PDE1A: variants seen among roughly 807,000 people sequenced by gnomAD.
PDE1A encodes the protein phosphodiesterase 1A.
A neutral mutation model predicts 61.7 loss-of-function variants in PDE1A; 35 were observed. The ratio of observed to expected loss-of-function variants is 0.57; its 90% CI spans 0.43 to 0.75. The LOEUF (loss-of-function observed/expected upper bound fraction) is 0.75, where lower values mean the gene tolerates loss of function less well. PDE1A is among the 30% of genes least tolerant of loss of function. The pLI is 0.00. For synonymous variants in PDE1A, 232 were observed against 213.2 expected (o/e 1.09, Z -0.77); for missense variants, 597 against 630.6 (o/e 0.95, Z 0.57).
At chr2:182,273,335 C>T (rs1420575810) in intron 1 of PDE1A, among the ~76,000 whole-genome samples, 4 of 151,732 alleles carry the variant, frequency 2.6e-5, no homozygotes, top group Non-Finnish European at 4.4e-5. Flanking sequence ...AAAAAGATGT[C>T]AAAATTCATC....
chr2:182,527,256 C>T (rs1295064269), upstream of PDE1A, among the ~76,000 whole-genome samples: 7 of 132,628 alleles, frequency 5.3e-5, no homozygotes, highest in African/African-American at 2.0e-4. Flanking sequence ...CACTTCAGCT[C>T]AGCAGTTCAA....
intron 10 of PDE1A, among the ~76,000 whole-genome samples, chr2:182,197,424 T>TA (rs1417754692): frequency 2.0e-5 from 3 of 151,710 alleles, no homozygotes; most frequent in Non-Finnish European, 3.0e-5. Context: ...TTCATTTTTT[T>TA]TTTCTTTTAT....
At chr2:182,252,581 A>G (rs564528513) in intron 2 of PDE1A, among the ~76,000 whole-genome samples, 207 of 152,374 alleles carry the variant, frequency 1.4e-3, no homozygotes, top group African/African-American at 4.9e-3. Flanking sequence ...AAGAGTAGTC[A>G]GAAAGGAAGG....
chr2:182,525,428 A>G (rs1690763699), upstream of PDE1A, among the ~76,000 whole-genome samples: 1 of 152,192 alleles, frequency 6.6e-6, no homozygotes, highest in African/African-American at 2.4e-5. Context: ...TATTAAGGTT[A>G]TATTGGCTGA....
At chr2:182,703,763 C>T in the PDE1A span, among the ~76,000 whole-genome samples, 2 of 152,088 alleles carry the variant, frequency 1.3e-5, no homozygotes, top group African/African-American at 4.8e-5. Context: ...TTCAGAGAAG[C>T]CACAAGGATT....
chr2:182,584,689 C>G, the PDE1A span, among the ~76,000 whole-genome samples: 1 of 152,116 alleles, frequency 6.6e-6, no homozygotes, highest in African/African-American at 2.4e-5. Flanking sequence ...GTGAACTCTG[C>G]CCTCCTAGGG....
At chr2:182,437,913 C>A (rs1023856652) in intron 2 of PDE1A, among the ~76,000 whole-genome samples, 1 of 151,890 alleles carries the variant, frequency 6.6e-6, no homozygotes, top group Admixed American at 6.6e-5. Context: ...ATTCACTTCT[C>A]TTGGTTGTTC....
At chr2:182,467,843 A>G (rs970125371) in intron 2 of PDE1A, among the ~76,000 whole-genome samples, 1 of 151,998 alleles carries the variant, frequency 6.6e-6, no homozygotes. Context: ...GTTCTAGTCT[A>G]CCACAATAAA....
At chr2:182,642,024 A>G in the PDE1A span, among the ~76,000 whole-genome samples, 1 of 152,234 alleles carries the variant, frequency 6.6e-6, no homozygotes, top group Non-Finnish European at 1.5e-5. Context: ...CATAAAGACA[A>G]AGACCTATGA....
At chr2:182,279,311 A>G (rs1693648001) in intron 1 of PDE1A, among the ~76,000 whole-genome samples, 2 of 152,038 alleles carry the variant, frequency 1.3e-5, no homozygotes, top group South Asian at 4.1e-4. Context: ...CTCCCAAAGC[A>G]TCCCAGCACC....
intron 2 of PDE1A, among the ~76,000 whole-genome samples, chr2:182,432,475 T>G (rs1559458433): frequency 1.3e-5 from 2 of 151,948 alleles, no homozygotes; most frequent in Non-Finnish European, 2.9e-5. Flanking sequence ...TCCTTATAGC[T>G]TCAACCAGGA....
At chr2:182,409,927 A>C (rs1702514702) in intron 1 of PDE1A, among the ~76,000 whole-genome samples, 1 of 152,236 alleles carries the variant, frequency 6.6e-6, no homozygotes, top group African/African-American at 2.4e-5. Flanking sequence ...TTTTAATATA[A>C]AGAACTCAAA....
chr2:182,408,088 T>C (rs1194616480), intron 1 of PDE1A, among the ~76,000 whole-genome samples: 1 of 150,982 alleles, frequency 6.6e-6, no homozygotes, highest in Non-Finnish European at 1.5e-5. Flanking sequence ...AGGGAGATCT[T>C]ACCCCACTGC....
chr2:182,568,474 C>T, the PDE1A span, among the ~76,000 whole-genome samples: 5 of 151,484 alleles, frequency 3.3e-5, no homozygotes, highest in South Asian at 2.1e-4. Context: ...GACAGGAGAT[C>T]GAGACAGCGG....
chr2:182,250,513 C>T (rs894770125), intron 2 of PDE1A, among the ~76,000 whole-genome samples: 1 of 151,978 alleles, frequency 6.6e-6, no homozygotes, highest in African/African-American at 2.4e-5. Flanking sequence ...TGTTTTGTTC[C>T]AAAAAGTATT....
At chr2:182,499,604 A>T (rs1401088110) in intron 2 of PDE1A, among the ~76,000 whole-genome samples, 1 of 152,220 alleles carries the variant, frequency 6.6e-6, no homozygotes, top group Non-Finnish European at 1.5e-5. Flanking sequence ...AACATCACAC[A>T]AAAAGAAGAC....
chr2:182,168,038 T>A, exon 14 of PDE1A: 1 of 1,256,058 alleles, frequency 8.0e-7, no homozygotes, highest in Non-Finnish European at 1.0e-6. Flanking sequence ...AGCCACTAGA[T>A]GAATCTGTTC....
At chr2:182,164,694 C>T (rs1399661835), downstream of PDE1A, among the ~76,000 whole-genome samples, 3 of 152,074 alleles carry the variant, frequency 2.0e-5, no homozygotes, top group East Asian at 1.9e-4. Context: ...GCTACTGCCT[C>T]GCCATAGACT....
At chr2:182,663,843 A>C in the PDE1A span, among the ~76,000 whole-genome samples, 457 of 152,216 alleles carry the variant, frequency 3.0e-3, 1 homozygote, top group African/African-American at 0.01. Flanking sequence ...AAAAAAGAAA[A>C]ACGGTCTGCA....
Sources: allele counts gnomAD v4.1 joint callset (sites outside exome capture counted in the v4.1 genomes callset), GRCh38; gene constraint gnomAD v4.1.1; transcripts MANE v1.5; gene names NCBI Gene and HGNC (gene_info 2026-07-23, HGNC 2026-07-21).